The following PPP3CB variants were observed in gnomAD, a reference collection of about 807,000 sequenced individuals.
PPP3CB encodes the protein serine/threonine-protein phosphatase 2B catalytic subunit beta isoform.
Under a neutral mutation model 66.4 loss-of-function variants are expected in PPP3CB, and 8 were observed. The observed-to-expected ratio is 0.12, with a 90% CI of 0.07 to 0.22. The LOEUF (loss-of-function observed/expected upper bound fraction) is 0.22, where lower values mean the gene tolerates loss of function less well. Among genes scored for constraint, PPP3CB ranks in the 10% least tolerant of loss-of-function variants. PPP3CB has a pLI of 1.00. For synonymous variants in PPP3CB, 208 were observed against 221.2 expected, an observed-to-expected ratio of 0.94 and a Z score of 0.53; for missense variants, 319 against 642.5, an observed-to-expected ratio of 0.50 and a Z score of 5.44.
chr10:73,485,697 A>G (rs1380574434), intron 1 of PPP3CB, among the ~76,000 whole-genome samples: 1 of 152,008 alleles, frequency 6.6e-6, no homozygotes, highest in East Asian at 1.9e-4. Context: ...AATTCCTATT[A>G]TAAGATTTTG....
intron 10 of PPP3CB, among the ~76,000 whole-genome samples, chr10:73,448,072 T>G (rs1564549464): frequency 6.6e-6 from 1 of 152,188 alleles, no homozygotes; most frequent in Non-Finnish European, 1.5e-5. Flanking sequence ...TCTCTTCTAA[T>G]AAATGATTAT....
chr10:73,481,599 T>G (rs1268263492), intron 1 of PPP3CB, among the ~76,000 whole-genome samples: 1 of 147,514 alleles, frequency 6.8e-6, no homozygotes, highest in Non-Finnish European at 1.5e-5. Flanking sequence ...AACCAACTGC[T>G]CCTTTACATT....
intron 1 of PPP3CB, among the ~76,000 whole-genome samples, 190 bp from the exon 2 acceptor site, chr10:73,479,707 G>A (rs2056844263): frequency 1.3e-5 from 2 of 152,098 alleles, no homozygotes; most frequent in African/African-American, 2.4e-5. Context: ...ATACTAACAT[G>A]TTCTTTGTTG....
intron 9 of PPP3CB, among the ~76,000 whole-genome samples, chr10:73,460,952 A>C (rs1204154705): frequency 6.6e-6 from 1 of 152,222 alleles, no homozygotes; most frequent in Admixed American, 6.5e-5. Context: ...CCAAGGGAAA[A>C]TGCAGGGCTG....
chr10:73,469,244 T>C (rs554073481), intron 8 of PPP3CB, among the ~76,000 whole-genome samples: 1 of 152,236 alleles, frequency 6.6e-6, no homozygotes, highest in East Asian at 1.9e-4. Flanking sequence ...GGTTCTGTTT[T>C]TGAGAATGGA....
intron 1 of PPP3CB, among the ~76,000 whole-genome samples, chr10:73,486,457 C>CA (rs982526083): frequency 1.3e-5 from 2 of 152,058 alleles, no homozygotes; most frequent in African/African-American, 4.8e-5. Flanking sequence ...AGGCATGCAC[C>CA]ACCACGCCTG....
chr10:73,492,631 G>A (rs2057097140), intron 1 of PPP3CB, among the ~76,000 whole-genome samples: 1 of 152,006 alleles, frequency 6.6e-6, no homozygotes, highest in Non-Finnish European at 1.5e-5. Context: ...TAATTAAAAG[G>A]GTATATACCA....
rs528074084 is a variant in PPP3CB, at chr10:73,479,647, G to A, written c.86-130C>T. The A allele has an allele frequency of 6.2e-5, 53 of 857,400 alleles. 1 individual carries two copies. In the South Asian group the frequency reaches 1.0e-3, roughly 16 times the overall value. 53.1% of individuals were successfully genotyped at this position (857,400 alleles called of 1,614,324 possible). Reference sequence around the variant, plus strand: ...TTCTTTCTTCTTCATTTATTGGGTAGAAGTGTTTTTCTAAATAGTAAGCAA... The same window carrying A: ...TTCTTTCTTCTTCATTTATTGGGTAAAAGTGTTTTTCTAAATAGTAAGCAA... On this transcript the variant is annotated intron_variant, in intron 1 of 13. Transcript: ENST00000360663.
chr10:73,438,296 C>A lies in PPP3CB; in HGVS notation c.1521G>T (p.Leu507=), dbSNP rs750093851. Residue 507 remains leucine, a synonymous_variant, in exon 14 of 14, where the codon CTG becomes CTT. Coordinates refer to ENST00000360663, the MANE Select transcript of PPP3CB (RefSeq NM_021132.4). Reference sequence around the variant, plus strand: ...GGTTCTCAGTGGCATGTGCGGTGTTCAGAGAATTGAAACCATCTTGCTGTA... The same window carrying A: ...GGTTCTCAGTGGCATGTGCGGTGTTAAGAGAATTGAAACCATCTTGCTGTA... ...DAVQQDGFNS[L]NTAHATENHG... The A allele has an allele frequency of 1.4e-5, 22 of 1,613,996 alleles. No homozygotes were observed. The East Asian group carries it at 4.9e-4, about 36-fold the overall frequency.
chr10:73,487,564 CAAAAAAAAAAA>C (rs746889105), intron 1 of PPP3CB, among the ~76,000 whole-genome samples: 1 of 65,218 alleles, frequency 1.5e-5, no homozygotes, highest in African/African-American at 6.1e-5. Context: ...AAACCAAAAC[CAAAAAAAAAAA>C]AAAAAAAAAC....
At chr10:73,477,885 C>G (rs372846725) in intron 3 of PPP3CB, among the ~76,000 whole-genome samples, 9 of 151,644 alleles carry the variant, frequency 5.9e-5, no homozygotes, top group Non-Finnish European at 1.3e-4. Context: ...CCACTGTACT[C>G]CAGCATGGGC....
chr10:73,490,344 A>G (rs775680340), intron 1 of PPP3CB, among the ~76,000 whole-genome samples: 1 of 152,114 alleles, frequency 6.6e-6, no homozygotes, highest in Non-Finnish European at 1.5e-5. Context: ...TTTTTCATGA[A>G]TATTTATTCA....
intron 10 of PPP3CB, among the ~76,000 whole-genome samples, chr10:73,449,460 C>G (rs1033623333): frequency 2.0e-5 from 3 of 152,132 alleles, no homozygotes; most frequent in African/African-American, 4.8e-5. Context: ...TTTGAGCTTT[C>G]CATATCTTCC....
chr10:73,470,968 T>TG lies in PPP3CB; in HGVS notation c.810-5dup, dbSNP rs781389227. The TG allele has an allele frequency of 6.8e-6, 11 of 1,612,278 alleles. No individual in the cohort carries two copies. The Admixed American group carries it at 1.7e-4, about 24-fold the overall frequency. The stretch of plus-strand genomic sequence containing the variant: ...AAATTCACACACTGCTGGATAGCTG[T>TG]GGGGGAAAAAGAGTAAATTAAGTAA... On this transcript the variant is annotated splice_polypyrimidine_tract_variant and splice_region_variant and intron_variant, in intron 6 of 13. Coordinates refer to ENST00000360663, the MANE Select transcript of PPP3CB (RefSeq NM_021132.4).
At chr10:73,462,721 G>GGGCGGATCACTTGAGGTC (rs1159044415) in intron 9 of PPP3CB, among the ~76,000 whole-genome samples, 1 of 151,992 alleles carries the variant, frequency 6.6e-6, no homozygotes, top group Non-Finnish European at 1.5e-5. Flanking sequence ...AGGTTGAGGT[G>GGGCGGATCACTTGAGGTC]GGCGGATCAC....
At chr10:73,448,957 A>G (rs1377275857) in intron 10 of PPP3CB, among the ~76,000 whole-genome samples, 9 of 152,230 alleles carry the variant, frequency 5.9e-5, no homozygotes, top group Non-Finnish European at 1.2e-4. Flanking sequence ...AATAACTATC[A>G]TATCTGATGG....
At chr10:73,465,829 CAA>C (rs1257484660) in intron 9 of PPP3CB, among the ~76,000 whole-genome samples, 1 of 152,090 alleles carries the variant, frequency 6.6e-6, no homozygotes, top group African/African-American at 2.4e-5. Context: ...GCAAAATATG[CAA>C]AGAGTTTGAG....
At chr10:73,494,923 C>G (rs2057157098) in intron 1 of PPP3CB, among the ~76,000 whole-genome samples, 1 of 152,210 alleles carries the variant, frequency 6.6e-6, no homozygotes, top group Non-Finnish European at 1.5e-5. Flanking sequence ...GGTTGGTAGG[C>G]TCTCCCAGGA....
intron 9 of PPP3CB, among the ~76,000 whole-genome samples, chr10:73,456,768 T>G (rs191597968): frequency 1.3e-5 from 2 of 152,310 alleles, no homozygotes; most frequent in African/African-American, 4.8e-5. Flanking sequence ...GAGCTTGGAT[T>G]AGGCAATGAT....
Sources: gnomAD v4.1 joint callset for allele counts (sites outside exome capture counted in the v4.1 genomes callset) on GRCh38, gnomAD v4.1.1 for gene constraint, MANE v1.5 for transcripts, NCBI Gene and HGNC (gene_info 2026-07-23, HGNC 2026-07-21) for gene names.